Variants in PDE10A observed in about 807,000 individuals in gnomAD.
PDE10A encodes phosphodiesterase 10A.
In PDE10A, 39 loss-of-function variants were observed where a neutral mutation model predicts 97.7. The observed-to-expected ratio is 0.40, with a 90% confidence interval of 0.31 to 0.52. The LOEUF (loss-of-function observed/expected upper bound fraction) is 0.52. Ranked by LOEUF, PDE10A falls within the 20% of genes least tolerant of loss-of-function variation. The pLI is 0.56. For synonymous variants in PDE10A, 371 were observed against 376.8 expected (o/e 0.98, Z 0.18); for missense variants, 731 against 1,047.8 (o/e 0.70, Z 4.17).
In PDE10A at chr6:165,761,233, C is replaced by T. The variant is rs113277250; in HGVS notation, c.-614-217665G>A. Among the ~76,000 whole-genome samples, 40 of 152,282 alleles carry T rather than the reference C, an allele frequency of 2.6e-4. 1 individual carries two copies. Among genetic ancestry groups the T allele is most frequent in the Middle Eastern group, 3.4e-3 (1 of 294 alleles). On this transcript the variant is annotated intron_variant, in intron 1 of 19. Transcript: ENST00000366882. ...GTCTGTGAGCCTAATCTTTCCTGGCCGTGTGACAAGAACCCTAAGGAGAAA... is the reference window on the plus strand; with the variant it reads ...GTCTGTGAGCCTAATCTTTCCTGGCTGTGTGACAAGAACCCTAAGGAGAAA...
At chr6:165,430,461 T>G (rs182851343) in intron 8 of PDE10A, 116 bp from the exon 9 acceptor site, 3 of 608,690 alleles carry the variant, frequency 4.9e-6, no homozygotes, top group Admixed American at 6.3e-5. Flanking sequence ...ATCACTTGGG[T>G]TATAATGTAA....
intron 5 of PDE10A, among the ~76,000 whole-genome samples, chr6:165,439,923 A>C (rs954261239): frequency 2.0e-5 from 3 of 152,208 alleles, no homozygotes; most frequent in Non-Finnish European, 2.9e-5. Flanking sequence ...ATAGATGTTT[A>C]CCTCACTTGG....
chr6:165,933,360 G>T (rs1783207062), intron 1 of PDE10A, among the ~76,000 whole-genome samples: 1 of 152,256 alleles, frequency 6.6e-6, no homozygotes, highest in South Asian at 2.1e-4. Context: ...CACCTTGCCT[G>T]GTAGCTAGCA....
At chr6:165,613,618 G>C (rs890803803) in intron 1 of PDE10A, among the ~76,000 whole-genome samples, 2 of 152,104 alleles carry the variant, frequency 1.3e-5, no homozygotes, top group African/African-American at 4.8e-5. Flanking sequence ...TCCACCCCGG[G>C]TGACAGAGCA....
At chr6:165,509,893 G>A (rs1781415609) in intron 2 of PDE10A, among the ~76,000 whole-genome samples, 1 of 151,774 alleles carries the variant, frequency 6.6e-6, no homozygotes, top group Non-Finnish European at 1.5e-5. Context: ...TTCATTATTG[G>A]TGTATAAAAC....
At chr6:165,463,682 C>CT (rs1778461200) in intron 3 of PDE10A, among the ~76,000 whole-genome samples, 1 of 152,184 alleles carries the variant, frequency 6.6e-6, no homozygotes, top group African/African-American at 2.4e-5. Flanking sequence ...TAAGCCCCCC[C>CT]CAAAAATCTG....
At chr6:165,604,573 C>T (rs1041110884) in intron 1 of PDE10A, among the ~76,000 whole-genome samples, 1 of 149,556 alleles carries the variant, frequency 6.7e-6, no homozygotes, top group Non-Finnish European at 1.5e-5. Flanking sequence ...GAGATAGCTA[C>T]ACAAGAGTGT....
chr6:165,405,857 C>T (rs1024929854), intron 13 of PDE10A, among the ~76,000 whole-genome samples: 1 of 152,100 alleles, frequency 6.6e-6, no homozygotes, highest in African/African-American at 2.4e-5. Context: ...GGAAATGATA[C>T]CTTTAAGGTC....
intron 18 of PDE10A, among the ~76,000 whole-genome samples, chr6:165,374,477 A>G (rs941068928): frequency 6.6e-6 from 1 of 152,058 alleles, no homozygotes; most frequent in Non-Finnish European, 1.5e-5. Flanking sequence ...AAAAAAGTAA[A>G]CAATTCAACA....
intron 1 of PDE10A, among the ~76,000 whole-genome samples, chr6:165,700,407 C>T (rs544068414): frequency 6.6e-6 from 1 of 152,136 alleles, no homozygotes; most frequent in Admixed American, 6.5e-5. Flanking sequence ...TTGCATATAT[C>T]CATGAATATG....
intron 1 of PDE10A, among the ~76,000 whole-genome samples, chr6:165,701,547 A>C (rs1791570431): frequency 6.6e-6 from 1 of 152,190 alleles, no homozygotes. Flanking sequence ...AAAAAGCCAC[A>C]ATCTGGAAGA....
At chr6:165,546,656 A>G (rs1248469166) in intron 1 of PDE10A, among the ~76,000 whole-genome samples, 7 of 152,094 alleles carry the variant, frequency 4.6e-5, no homozygotes, top group Non-Finnish European at 8.8e-5. Flanking sequence ...TTGTCCCAAG[A>G]GGGTACAGTT....
At chr6:165,549,661 T>A (rs1783918399) in intron 1 of PDE10A, among the ~76,000 whole-genome samples, 1 of 152,148 alleles carries the variant, frequency 6.6e-6, no homozygotes, top group African/African-American at 2.4e-5. Flanking sequence ...AATATTCAAC[T>A]CTCTGTGGCT....
intron 1 of PDE10A, among the ~76,000 whole-genome samples, chr6:165,742,266 G>A (rs1453288336): frequency 6.6e-6 from 1 of 152,066 alleles, no homozygotes; most frequent in Non-Finnish European, 1.5e-5. Flanking sequence ...AATTGAAATC[G>A]GCCCCCTTGC....
At chr6:165,421,677 T>C (rs1788701402) in intron 10 of PDE10A, among the ~76,000 whole-genome samples, 2 of 152,284 alleles carry the variant, frequency 1.3e-5, no homozygotes, top group South Asian at 4.1e-4. Context: ...ATGTGAGGTA[T>C]ACATATTTGA....
chr6:165,709,942 A>C (rs2128445929), intron 1 of PDE10A, among the ~76,000 whole-genome samples: 1 of 151,962 alleles, frequency 6.6e-6, no homozygotes, highest in Admixed American at 6.6e-5. Flanking sequence ...AAGGACTGTA[A>C]GAACTTGCCC....
intron 1 of PDE10A, among the ~76,000 whole-genome samples, chr6:165,745,802 T>C (rs1792829636): frequency 6.6e-6 from 1 of 152,232 alleles, no homozygotes; most frequent in South Asian, 2.1e-4. Flanking sequence ...TATGTTCGTA[T>C]GTTGTAAAAA....
At chr6:165,403,883 A>G (rs751760130) in intron 13 of PDE10A, among the ~76,000 whole-genome samples, 5 of 152,176 alleles carry the variant, frequency 3.3e-5, no homozygotes, top group Admixed American at 6.5e-5. Context: ...AGTTTCATCC[A>G]TGCTGCTGCA....
In PDE10A at chr6:165,377,267, A is replaced by G. The variant is rs184312348; in HGVS notation, c.2783+1927T>C. Among the ~76,000 whole-genome samples, 578 of 152,238 alleles carry G rather than the reference A, an allele frequency of 3.8e-3. 1 individual carries two copies. Among genetic ancestry groups the G allele is most frequent in the Non-Finnish European group, 6.2e-3 (424 of 68,008 alleles). On this transcript the variant is annotated intron_variant, in intron 18 of 21. Coordinates refer to ENST00000539869, the MANE Select transcript of PDE10A (RefSeq NM_001385079.1). ...TTGAACATACTGTATGCACACACGCACACACACACCCCTACCTTTGAAAAA... is the reference window on the plus strand; with the variant it reads ...TTGAACATACTGTATGCACACACGCGCACACACACCCCTACCTTTGAAAAA...
Sources: allele counts gnomAD v4.1 joint callset (sites outside exome capture counted in the v4.1 genomes callset), GRCh38; gene constraint gnomAD v4.1.1; transcripts MANE v1.5; gene names NCBI Gene and HGNC (gene_info 2026-07-23, HGNC 2026-07-21).